Variants in CLDN2 observed in about 807,000 individuals in gnomAD.
CLDN2 encodes the protein claudin 2, also known as claudin-2.
CLDN2 carries 1 observed loss-of-function variant against 8.2 expected under a neutral mutation model. That is an observed-to-expected ratio of 0.12 (90% CI 0.04 to 0.58). The LOEUF is 0.58. Among genes scored for constraint, CLDN2 ranks in the 20% least tolerant of loss-of-function variants. The pLI, the probability that CLDN2 is intolerant of heterozygous loss-of-function variation, is 0.90. For missense variants in CLDN2, 108 were observed against 172.9 expected (o/e 0.62, Z 2.11); for synonymous variants, 70 against 70.2 (o/e 1.00, Z 0.01).
chrX:106,918,066 G>A (rs766827039), upstream of CLDN2, among the ~76,000 whole-genome samples: 3 of 111,967 alleles, frequency 2.7e-5, no homozygotes, highest in South Asian at 3.7e-4. Flanking sequence ...CTCCTCATCC[G>A]CCCTGGCACC....
intron 1 of CLDN2, among the ~76,000 whole-genome samples, chrX:106,908,327 T>C (rs1230042429): frequency 9.0e-6 from 1 of 111,612 alleles, no homozygotes; most frequent in African/African-American, 3.3e-5. Flanking sequence ...CCAGTGTCTA[T>C]AGAAAATGTC....
rs909510476 is a variant in CLDN2, at chrX:106,928,029, C to T, written c.-178-22C>T. 20 of 354,450 alleles carry T rather than the reference C, an allele frequency of 5.6e-5. No homozygotes were observed. In the Admixed American group the frequency reaches 8.6e-4, roughly 15 times the overall value. The allele number at this position is 354,450 out of a possible 1,213,427, so 29.2% of individuals were successfully genotyped here. A position where few individuals can be genotyped will look rare whatever the true frequency, so the allele number is the denominator to read the frequency against. On this transcript the variant is annotated intron_variant, in intron 1 of 1. Coordinates refer to ENST00000336803, the MANE Select transcript of CLDN2 (RefSeq NM_020384.4). Reference sequence around the variant, plus strand: ...CATAAGCTTCTGGTCAATATTTAATCTGGTTTATGGATTTTTTTTAGGTCT... The same window carrying T: ...CATAAGCTTCTGGTCAATATTTAATTTGGTTTATGGATTTTTTTTAGGTCT...
rs148800101 is a variant in CLDN2, at chrX:106,901,501, G to A, written c.-179+997G>A. On this transcript the variant is annotated intron_variant, in intron 1 of 1. Transcript: ENST00000541806. ...GACAGGGTGATGGAACTTGGATTCA[G>A]CCTTGGTGACCTCAGCAGCCGTTGC... 5.9e-4 allele frequency: 715 copies of A among 1,209,916 alleles called. 6 individuals are homozygous for A. In the African/African-American group the frequency reaches 0.01, roughly 17 times the overall value.
chrX:106,904,097 C>A (rs755064561), intron 1 of CLDN2, among the ~76,000 whole-genome samples: 2 of 112,307 alleles, frequency 1.8e-5, no homozygotes, highest in Admixed American at 9.4e-5. Context: ...AAGTTCTGCC[C>A]GACTACAGAG....
At position 106,901,452 on chromosome X, in the gene CLDN2, G is replaced by T. The variant is rs776236313; in HGVS notation, c.-179+948G>T. ...AGCTAATGGATCTATGTCAAGTTTG[G>T]AGCTTCATGCCAGAAGCTTACCTGA... On this transcript the variant is annotated intron_variant, in intron 1 of 1. Transcript: ENST00000541806. The T allele has an allele frequency of 5.0e-6, 6 of 1,199,755 alleles. No homozygotes were observed. The South Asian group carries it at 1.1e-4, about 21-fold the overall frequency.
upstream of CLDN2, among the ~76,000 whole-genome samples, chrX:106,919,169 G>C (rs886757135): frequency 1.8e-5 from 2 of 112,002 alleles, no homozygotes; most frequent in Non-Finnish European, 3.8e-5. Context: ...AATGATGTAA[G>C]GTTACATAAA....
At chrX:106,910,201 CT>C (rs1417049176) in intron 1 of CLDN2, among the ~76,000 whole-genome samples, 2 of 111,082 alleles carry the variant, frequency 1.8e-5, no homozygotes, top group Non-Finnish European at 3.8e-5. Context: ...ATGATCCTGG[CT>C]AAGTAAGCAA....
chrX:106,904,513 A>C (rs1933153357), intron 1 of CLDN2, among the ~76,000 whole-genome samples: 1 of 112,604 alleles, frequency 8.9e-6, no homozygotes, highest in Non-Finnish European at 1.9e-5. Context: ...CTTGCAACTG[A>C]ATGCCAAGCA....
chrX:106,912,835 A>G (rs1933264663), intron 1 of CLDN2, among the ~76,000 whole-genome samples: 3 of 111,840 alleles, frequency 2.7e-5, no homozygotes, highest in African/African-American at 9.8e-5. Context: ...TGTCAATGAT[A>G]AAAGTTACGC....
Position 106,928,061 on chromosome X carries a change from T to C in CLDN2, c.-168T>C. The stretch of plus-strand genomic sequence containing the variant: ...ATGGATTTTTTTTAGGTCTTCTAGA[T>C]GCCTTCTTGAGGCTGCTTGTGGCCA... On this transcript the variant is annotated 5_prime_UTR_variant, in exon 2 of 2. The change abolishes an upstream ATG in the 5' untranslated region. Transcript: ENST00000336803. 4.9e-6 allele frequency: 2 copies of C among 406,536 alleles called. No individual in the cohort carries two copies. Among genetic ancestry groups the C allele is most frequent in the Non-Finnish European group, 8.5e-6 (2 of 234,847 alleles). The allele number at this position is 406,536 out of a possible 1,213,427, so 33.5% of individuals were successfully genotyped here. A position where few individuals can be genotyped will look rare whatever the true frequency, so the allele number is the denominator to read the frequency against.
In CLDN2 at chrX:106,929,080, G is replaced by A; in HGVS notation, c.*159G>A. 1 of 471,480 alleles carries A rather than the reference G, an allele frequency of 2.1e-6. No homozygotes were observed. Among genetic ancestry groups the A allele is most frequent in the Non-Finnish European group, 3.7e-6 (1 of 271,807 alleles). The allele number at this position is 471,480 out of a possible 1,213,427, so 38.9% of individuals were successfully genotyped here. ...ATTGGATTGAGCAAAGGCAGAAATG[G>A]GGGCTAGTGTAACAGCATGCAGGTT... is the stretch of plus-strand genomic sequence containing the variant. On this transcript the variant is annotated 3_prime_UTR_variant, in exon 2 of 2. Coordinates refer to ENST00000336803, the MANE Select transcript of CLDN2 (RefSeq NM_020384.4).
upstream of CLDN2, chrX:106,918,573 T>C (rs1411209349): frequency 2.7e-5 from 3 of 111,637 alleles, no homozygotes; most frequent in African/African-American, 9.8e-5. Flanking sequence ...ACTTGAAAAA[T>C]AGAGTCAAGC....
At chrX:106,902,317 G>T in intron 1 of CLDN2, 1 of 629,193 alleles carries the variant, frequency 1.6e-6, no homozygotes, top group Non-Finnish European at 2.5e-6. Flanking sequence ...GGTGCCATCT[G>T]CTCCAGGAAG....
At chrX:106,923,068 C>T (rs996035647) in intron 1 of CLDN2, among the ~76,000 whole-genome samples, 4 of 108,977 alleles carry the variant, frequency 3.7e-5, no homozygotes, top group South Asian at 4.1e-4. Context: ...CTCCACCTCC[C>T]GGTTCCAGCG....
At chrX:106,916,933 T>A (rs1933318481), upstream of CLDN2, among the ~76,000 whole-genome samples, 1 of 111,810 alleles carries the variant, frequency 8.9e-6, no homozygotes, top group African/African-American at 3.3e-5. Flanking sequence ...GCTTGTAGTC[T>A]CAGCTACTTG....
chrX:106,905,075 G>A (rs1165404901), intron 1 of CLDN2, among the ~76,000 whole-genome samples: 2 of 112,353 alleles, frequency 1.8e-5, no homozygotes, highest in African/African-American at 3.2e-5. Context: ...ACAAAGAAAT[G>A]TTTATCCATG....
chrX:106,925,627 T>C (rs1933455099), intron 1 of CLDN2, among the ~76,000 whole-genome samples: 1 of 112,336 alleles, frequency 8.9e-6, no homozygotes, highest in Non-Finnish European at 1.9e-5. Flanking sequence ...ATCAGATTAA[T>C]GTGTTGAAAG....
At chrX:106,907,744 T>TAAG (rs1293688440) in intron 1 of CLDN2, among the ~76,000 whole-genome samples, 4 of 104,304 alleles carry the variant, frequency 3.8e-5, no homozygotes, top group African/African-American at 1.5e-4. Flanking sequence ...ATAATAATAA[T>TAAG]AATAAAGGAC....
upstream of CLDN2, among the ~76,000 whole-genome samples, chrX:106,913,797 T>C (rs971959245): frequency 9.1e-6 from 1 of 109,906 alleles, no homozygotes; most frequent in African/African-American, 3.3e-5. Context: ...GAGGCCCCCC[T>C]GACTTGCTGA....
Sources: allele counts gnomAD v4.1 joint callset (sites outside exome capture counted in the v4.1 genomes callset), GRCh38; gene constraint gnomAD v4.1.1; transcripts MANE v1.5; gene names NCBI Gene and HGNC (gene_info 2026-07-23, HGNC 2026-07-21).